The following C2orf68 variants were observed in gnomAD, a reference collection of about 807,000 sequenced individuals.
The protein encoded by C2orf68 is chromosome 2 open reading frame 68.
Under a neutral mutation model 19.1 loss-of-function variants are expected in C2orf68, and 15 were observed. That is an observed-to-expected ratio of 0.79 (90% CI 0.53 to 1.21). C2orf68 has a LOEUF of 1.21. Among genes scored for constraint, C2orf68 ranks in the 50% most tolerant of loss-of-function variants. C2orf68 has a pLI of 0.00. For missense variants in C2orf68, 242 were observed against 226.6 expected (o/e 1.07, Z -0.44); for synonymous variants, 98 against 91.0 (o/e 1.08, Z -0.44).
chr2:85,611,179 G>T, intron 2 of C2orf68: 1 of 1,023,696 alleles, frequency 9.8e-7, no homozygotes. Context: ...TTGCACTCCA[G>T]CCTGGGCGAC....
Position 85,611,972 on chromosome 2 carries a change from GC to G in C2orf68, c.12del (p.Pro5ArgfsTer17). ...CAGCAGTGCCCCGGCCGGGGATGCG[GC>G]CCCGCCTCCATCAGGAGCCGGGGAC... MEA[G>X]PHPRPGHCCK... On this transcript the variant is annotated frameshift_variant, in exon 1 of 4. Transcript: ENST00000306336. LOFTEE classifies it high-confidence loss of function. 6.6e-7 allele frequency: 1 copy of G among 1,507,740 alleles called. No homozygotes were observed. Among genetic ancestry groups the G allele is most frequent in the Non-Finnish European group, 8.8e-7 (1 of 1,141,792 alleles). 93.4% of individuals were successfully genotyped at this position (1,507,740 alleles called of 1,614,324 possible). A position where few individuals can be genotyped will look rare whatever the true frequency, so the allele number is the denominator to read the frequency against.
chr2:85,608,807 T>G lies in C2orf68; in HGVS notation c.*138A>C. The stretch of plus-strand genomic sequence containing the variant: ...CTGCAAGGCAGGCCAGGTGTAGTCC[T>G]GCAACACCCTATGGATGCAGCAGCT... On this transcript the variant is annotated 3_prime_UTR_variant, in exon 4 of 4. Coordinates refer to ENST00000306336, the MANE Select transcript of C2orf68 (RefSeq NM_001013649.4). The G allele has an allele frequency of 8.5e-7, 1 of 1,178,582 alleles. No homozygotes were observed. The highest frequency in any genetic ancestry group is 1.2e-6 in the Non-Finnish European group (1 of 842,610). 73.0% of individuals were successfully genotyped at this position (1,178,582 alleles called of 1,614,324 possible). A position where few individuals can be genotyped will look rare whatever the true frequency, so the allele number is the denominator to read the frequency against.
chr2:85,612,035 C>T lies in C2orf68; in HGVS notation c.-51G>A. 2 of 1,310,368 alleles carry T rather than the reference C, an allele frequency of 1.5e-6. No homozygotes were observed. Among genetic ancestry groups the T allele is most frequent in the Non-Finnish European group, 2.0e-6 (2 of 983,280 alleles). The allele number at this position is 1,310,368 out of a possible 1,614,324, so 81.2% of individuals were successfully genotyped here. A position where few individuals can be genotyped will look rare whatever the true frequency, so the allele number is the denominator to read the frequency against. ...GCCGCCTCGACGGCCCCAACAACAG[C>T]CACCCGCCCACAGAGCTCCGCGCCG... On this transcript the variant is annotated 5_prime_UTR_variant, in exon 1 of 4. Transcript: ENST00000306336.
At position 85,611,691 on chromosome 2, in the gene C2orf68, T is replaced by C; in HGVS notation, c.203A>G (p.Gln68Arg). ...ACCTCGGTGTCGCGGCAGGTACACC[T>C]GCAGGTCTGGCTTGCGGGGCCGCGT... is the stretch of plus-strand genomic sequence containing the variant. ...APTRPRKPDL[Q>R]VYLPRHRDVS... The change falls in exon 2 of 4, where the codon CAG becomes CGG. Residue 68 changes from glutamine (Q) to arginine (R), a missense_variant. Gln to Arg is a conservative substitution (Grantham distance 43). Coordinates refer to ENST00000306336, the MANE Select transcript of C2orf68 (RefSeq NM_001013649.4). 1 of 1,576,808 alleles carries C rather than the reference T, an allele frequency of 6.3e-7. No homozygotes were observed. The highest frequency in any genetic ancestry group is 8.6e-7 in the Non-Finnish European group (1 of 1,162,458).
rs1438429400 is a variant in C2orf68 at position 85,606,661 on chromosome 2, A to T, written c.*2284T>A. ...TGCACTTGAAAAGCAAAATTCCTCA[A>T]GAAAAAAAGTTTAATAGCAAGGAGT... On this transcript the variant is annotated 3_prime_UTR_variant, in exon 4 of 4. Transcript: ENST00000306336. 1 of 152,254 alleles carries T rather than the reference A, an allele frequency of 6.6e-6. No individual in the cohort carries two copies. The highest frequency in any genetic ancestry group is 6.5e-5 in the Admixed American group (1 of 15,286). 9.4% of individuals were successfully genotyped at this position (152,254 alleles called of 1,614,324 possible).
chr2:85,611,931 C>T lies in C2orf68; in HGVS notation c.54G>A (p.Arg18=). The T allele has an allele frequency of 1.3e-6, 2 of 1,587,000 alleles. No homozygotes were observed. The highest frequency in any genetic ancestry group is 1.7e-6 in the Non-Finnish European group (2 of 1,173,452). The part of the protein sequence containing the change: ...RPGHCCKPGG[R]LDMNHGFVHH... ...GCACGAAGCCGTGGTTCATGTCCAG[C>T]CGCCCCCCAGGCTTGCAGCAGTGCC... is the stretch of plus-strand genomic sequence containing the variant. Residue 18 remains arginine (R), a synonymous_variant, in exon 1 of 4, where the codon CGG becomes CGA. Coordinates refer to ENST00000306336, the MANE Select transcript of C2orf68 (RefSeq NM_001013649.4).
rs148814877 is a variant in C2orf68 at position 85,605,649 on chromosome 2, G to A, written c.*3296C>T. 6.4e-4 allele frequency among the ~76,000 whole-genome samples: 98 copies of A among 152,314 alleles called. 1 individual carries two copies. Among genetic ancestry groups the A allele is most frequent in the South Asian group, 5.4e-3 (26 of 4,828 alleles). ...AAATCTAGTGGTAGGAAAATAATCTGTACTTATTCCTCTTTCTGCACACAA... is the reference window on the plus strand; with the variant it reads ...AAATCTAGTGGTAGGAAAATAATCTATACTTATTCCTCTTTCTGCACACAA... On this transcript the variant is annotated 3_prime_UTR_variant, in exon 4 of 4. Transcript: ENST00000306336.
chr2:85,611,855 G>C (rs926148422), intron 1 of C2orf68, 23 bp downstream of exon 1: 1 of 1,598,698 alleles, frequency 6.3e-7, no homozygotes, highest in African/African-American at 1.3e-5. Context: ...TGGTGGCGGC[G>C]GCGGCGCAGG....
chr2:85,609,523 C>CT lies in C2orf68; in HGVS notation c.289_290insA (p.Gly97GlufsTer3). The stretch of plus-strand genomic sequence containing the variant: ...ATGGCCAGAAGGCTCCAGCTCAGAG[C>CT]CTCCACTACTGCTGCTTTCACCGGA... On this transcript the variant is annotated frameshift_variant, in exon 3 of 4. Transcript: ENST00000306336. LOFTEE classifies it high-confidence loss of function. 6.2e-7 allele frequency: 1 copy of CT among 1,614,204 alleles called. No homozygotes were observed. Among genetic ancestry groups the CT allele is most frequent in the Non-Finnish European group, 8.5e-7 (1 of 1,180,030 alleles).
At chr2:85,611,340 G>T in intron 2 of C2orf68, 1 of 1,438,794 alleles carries the variant, frequency 7.0e-7, no homozygotes. Context: ...GCAATTATGT[G>T]CTGGTCGCTC....
rs997873787 is a variant in C2orf68, at chr2:85,608,100, G to A, written c.*845C>T. The A allele has an allele frequency of 6.6e-6, 1 of 152,174 alleles. No homozygotes were observed. The highest frequency in any genetic ancestry group is 2.4e-5 in the African/African-American group (1 of 41,428). 9.4% of individuals were successfully genotyped at this position (152,174 alleles called of 1,614,324 possible). A position where few individuals can be genotyped will look rare whatever the true frequency, so the allele number is the denominator to read the frequency against. On this transcript the variant is annotated 3_prime_UTR_variant, in exon 4 of 4. Coordinates refer to ENST00000306336, the MANE Select transcript of C2orf68 (RefSeq NM_001013649.4). Reference sequence around the variant, plus strand: ...ATAATTCCCTTTTAGTCTGAGCAGAGGACAGTCTGTTCACGGCTAGGAATC... The same window carrying A: ...ATAATTCCCTTTTAGTCTGAGCAGAAGACAGTCTGTTCACGGCTAGGAATC...
In C2orf68 at chr2:85,608,612, T is replaced by C. The variant is rs990126117; in HGVS notation, c.*333A>G. 2.5e-5 allele frequency: 5 copies of C among 197,920 alleles called. No homozygotes were observed. The highest frequency in any genetic ancestry group is 1.3e-4 in the African/African-American group (5 of 39,716). The allele number at this position is 197,920 out of a possible 1,614,324, so 12.3% of individuals were successfully genotyped here. Reference sequence around the variant, plus strand: ...GCAGCAGCCAGGCATATGACCTCGGTGAGAAAGCACCATGTTGCACGAGGC... The same window carrying C: ...GCAGCAGCCAGGCATATGACCTCGGCGAGAAAGCACCATGTTGCACGAGGC... On this transcript the variant is annotated 3_prime_UTR_variant, in exon 4 of 4. Transcript: ENST00000306336.
intron 2 of C2orf68, chr2:85,611,388 G>C: frequency 6.8e-7 from 1 of 1,466,660 alleles, no homozygotes; most frequent in Middle Eastern, 2.3e-4. Flanking sequence ...AGGTAGCGGA[G>C]CACCTTACTA....
Position 85,606,858 on chromosome 2 carries a change from T to C in C2orf68, c.*2087A>G, listed in dbSNP as rs545986993. On this transcript the variant is annotated 3_prime_UTR_variant, in exon 4 of 4. Coordinates refer to ENST00000306336, the MANE Select transcript of C2orf68 (RefSeq NM_001013649.4). ...GTGCAGTGGTGTGATCTCGGCTCAC[T>C]GCAACCTCCGCCTTCCAGGTTTAGG... is the stretch of plus-strand genomic sequence containing the variant. 2 of 150,004 alleles carry C rather than the reference T, an allele frequency of 1.3e-5. No homozygotes were observed. Among genetic ancestry groups the C allele is most frequent in the Non-Finnish European group, 3.0e-5 (2 of 67,332 alleles). 9.3% of individuals were successfully genotyped at this position (150,004 alleles called of 1,614,324 possible).
Position 85,611,892 on chromosome 2 carries a change from C to A in C2orf68, c.93G>T (p.Arg31=). Residue 31 remains arginine, a synonymous_variant, in exon 1 of 4, where the codon CGG becomes CGT. Coordinates refer to ENST00000306336, the MANE Select transcript of C2orf68 (RefSeq NM_001013649.4). ...MNHGFVHHIR[R]NQIARDDYDK... is the part of the protein sequence containing the mutation. The stretch of plus-strand genomic sequence containing the variant: ...CGGGGCGGTACCGAGCGATCTGGTT[C>A]CGTCGGATATGGTGCACGAAGCCGT... 6.3e-7 allele frequency: 1 copy of A among 1,596,310 alleles called. No individual in the cohort carries two copies. Among genetic ancestry groups the A allele is most frequent in the South Asian group, 1.1e-5 (1 of 90,752 alleles).
chr2:85,612,027 A>G lies in C2orf68; in HGVS notation c.-43T>C, dbSNP rs753911648. On this transcript the variant is annotated 5_prime_UTR_variant, in exon 1 of 4. Transcript: ENST00000306336. ...GAGTCGCCGCCGCCTCGACGGCCCC[A>G]ACAACAGCCACCCGCCCACAGAGCT... 5.1e-6 allele frequency: 7 copies of G among 1,367,588 alleles called. No individual in the cohort carries two copies. The highest frequency in any genetic ancestry group is 5.8e-6 in the Non-Finnish European group (6 of 1,031,826). The allele number at this position is 1,367,588 out of a possible 1,614,324, so 84.7% of individuals were successfully genotyped here.
In C2orf68 at chr2:85,608,898, C is replaced by T. The variant is rs755211478; in HGVS notation, c.*47G>A. On this transcript the variant is annotated 3_prime_UTR_variant, in exon 4 of 4. Coordinates refer to ENST00000306336, the MANE Select transcript of C2orf68 (RefSeq NM_001013649.4). ...CACACTAAATTCCCTGGGCAGAATT[C>T]TTCCGAGTGCAGTGAATCCAGCCTG... The T allele has an allele frequency of 6.2e-7, 1 of 1,604,792 alleles. No homozygotes were observed. The highest frequency in any genetic ancestry group is 1.1e-5 in the South Asian group (1 of 90,528).
Position 85,611,781 on chromosome 2 carries a change from T to C in C2orf68, c.113A>G (p.Asp38Gly), listed in dbSNP as rs776759594. The change falls in exon 2 of 4, where the codon GAC becomes GGC. Residue 38 changes from aspartate to glycine, a missense_variant. Physicochemically the swap from Asp to Gly is moderately conservative, Grantham distance 94. Transcript: ENST00000306336. ...CGCCTGCTTCACCTTCTTGTCATAG[T>C]CGTCCCTGCGGGGAGCCGAGCGGGA... is the stretch of plus-strand genomic sequence containing the variant. The part of the protein sequence containing the change: ...HIRRNQIARD[D>G]YDKKVKQAAK... The C allele has an allele frequency of 1.9e-6, 3 of 1,611,924 alleles. No individual in the cohort carries two copies. Among genetic ancestry groups the C allele is most frequent in the African/African-American group, 2.7e-5 (2 of 74,980 alleles).
At chr2:85,609,669 C>T (rs577500833) in intron 2 of C2orf68, 83 bp from the exon 3 acceptor site, 32 of 1,529,330 alleles carry the variant, frequency 2.1e-5, no homozygotes, top group South Asian at 1.2e-4. Flanking sequence ...GGAAAATATA[C>T]GGTTAGGAAA....
Sources: allele counts gnomAD v4.1 joint callset (sites outside exome capture counted in the v4.1 genomes callset), GRCh38; gene constraint gnomAD v4.1.1; transcripts MANE v1.5; gene names NCBI Gene and HGNC (gene_info 2026-07-23, HGNC 2026-07-21).